The following AFF3 variants were observed in gnomAD, a reference collection of about 807,000 sequenced individuals.
The protein encoded by AFF3 is AF4/FMR2 family member 3.
In AFF3, 32 loss-of-function variants were observed where a neutral mutation model predicts 129.7. The observed-to-expected ratio is 0.25, with a 90% CI of 0.19 to 0.33. AFF3 has a LOEUF of 0.33. Ranked by LOEUF, AFF3 falls within the 10% of genes least tolerant of loss-of-function variation. AFF3 has a pLI of 1.00. For missense variants in AFF3, 1,373 were observed against 1,592.0 expected (o/e 0.86, Z 2.34); for synonymous variants, 644 against 635.4 (o/e 1.01, Z -0.20).
At chr2:99,976,931 T>C (rs1028563828) in intron 7 of AFF3, among the ~76,000 whole-genome samples, 1 of 152,062 alleles carries the variant, frequency 6.6e-6, no homozygotes, top group African/African-American at 2.4e-5. Flanking sequence ...TGAAAGCCAA[T>C]TTAGTATTGG....
chr2:99,566,295 G>A (rs950997751), intron 19 of AFF3, among the ~76,000 whole-genome samples: 1 of 151,554 alleles, frequency 6.6e-6, no homozygotes, highest in African/African-American at 2.4e-5. Context: ...CCTCACTTAA[G>A]AGTGAGAGTG....
chr2:99,733,380 A>C (rs1679994636), intron 10 of AFF3, among the ~76,000 whole-genome samples: 1 of 91,724 alleles, frequency 1.1e-5, no homozygotes, highest in African/African-American at 3.2e-5. Flanking sequence ...ACTCCGTCCA[A>C]AAAAAAAAAA....
intron 7 of AFF3, among the ~76,000 whole-genome samples, chr2:99,961,442 T>C (rs1677203216): frequency 1.3e-5 from 2 of 152,238 alleles, no homozygotes; most frequent in South Asian, 4.1e-4. Flanking sequence ...AATCACATTT[T>C]GCCTTGAGAC....
intron 11 of AFF3, among the ~76,000 whole-genome samples, chr2:99,712,144 T>C (rs1421239558): frequency 6.6e-6 from 1 of 152,230 alleles, no homozygotes; most frequent in African/African-American, 2.4e-5. Context: ...AATGCCTACT[T>C]GTTGAACCTA....
chr2:99,791,515 G>A (rs1381792371), intron 8 of AFF3, among the ~76,000 whole-genome samples: 2 of 152,138 alleles, frequency 1.3e-5, no homozygotes, highest in Admixed American at 6.5e-5. Flanking sequence ...TTTGATCTGC[G>A]GTTCATTTAA....
chr2:99,741,391 G>A (rs572142644), intron 10 of AFF3, among the ~76,000 whole-genome samples: 54 of 152,218 alleles, frequency 3.5e-4, no homozygotes, highest in Admixed American at 2.1e-3. Flanking sequence ...CAAAATCAAC[G>A]TACAAAAATC....
At chr2:99,832,747 T>C (rs1006241069) in intron 8 of AFF3, among the ~76,000 whole-genome samples, 2 of 152,242 alleles carry the variant, frequency 1.3e-5, no homozygotes, top group African/African-American at 4.8e-5. Context: ...TGTAGGTTTT[T>C]CTCAGTGAAT....
Position 99,889,998 on chromosome 2 carries a change from C to T in AFF3, c.874-52474G>A, listed in dbSNP as rs28409919. 1.8e-3 allele frequency among the ~76,000 whole-genome samples: 271 copies of T among 152,316 alleles called. 2 individuals carry two copies. The highest frequency in any genetic ancestry group is 6.3e-3 in the African/African-American group (260 of 41,562). ...TCTTTAATGGTAAATCTGCCCCTGC[C>T]TCATCCACCAGAAAACACAGGTGCC... On this transcript the variant is annotated intron_variant, in intron 7 of 24. Coordinates refer to ENST00000672756, the MANE Select transcript of AFF3 (RefSeq NM_001386135.1).
chr2:99,649,795 T>A, intron 12 of AFF3, 129 bp from the exon 13 acceptor site: 1 of 919,854 alleles, frequency 1.1e-6, no homozygotes, highest in Non-Finnish European at 1.8e-6. Context: ...TTTAAACGAC[T>A]AGCAATGAAG....
At chr2:99,712,095 G>A (rs1431959449) in intron 11 of AFF3, among the ~76,000 whole-genome samples, 4 of 152,168 alleles carry the variant, frequency 2.6e-5, no homozygotes, top group Admixed American at 6.5e-5. Flanking sequence ...TCTAACTGGA[G>A]TCACTGAAAA....
At chr2:99,972,705 T>C (rs560099601) in intron 7 of AFF3, among the ~76,000 whole-genome samples, 4 of 152,264 alleles carry the variant, frequency 2.6e-5, no homozygotes, top group Non-Finnish European at 5.9e-5. Flanking sequence ...TTGCAGACAG[T>C]GCTAAGTGAT....
At chr2:99,857,327 TCA>T (rs1469985781) in intron 7 of AFF3, among the ~76,000 whole-genome samples, 4 of 152,358 alleles carry the variant, frequency 2.6e-5, no homozygotes, top group Admixed American at 2.6e-4. Context: ...TGATCAATTG[TCA>T]CAGTTTGTTT....
chr2:99,955,168 A>T (rs1676524090), intron 7 of AFF3, among the ~76,000 whole-genome samples: 1 of 152,194 alleles, frequency 6.6e-6, no homozygotes, highest in Non-Finnish European at 1.5e-5. Context: ...GAAATGCTTC[A>T]ATTATCACCA....
At chr2:99,808,408 C>G (rs1686520280) in intron 8 of AFF3, among the ~76,000 whole-genome samples, 1 of 152,256 alleles carries the variant, frequency 6.6e-6, no homozygotes, top group Non-Finnish European at 1.5e-5. Flanking sequence ...CCAGCACACT[C>G]TATTGTTCTT....
chr2:99,727,283 T>G (rs1679437591), intron 10 of AFF3, among the ~76,000 whole-genome samples, 155 bp from the exon 11 acceptor site: 1 of 152,204 alleles, frequency 6.6e-6, no homozygotes, highest in African/African-American at 2.4e-5. Flanking sequence ...AGAACCGGAT[T>G]TGCAAAATAA....
chr2:99,664,300 A>G (rs962985826), intron 12 of AFF3, among the ~76,000 whole-genome samples: 6 of 152,210 alleles, frequency 3.9e-5, no homozygotes, highest in Non-Finnish European at 1.5e-5. Flanking sequence ...CTTCCATTTC[A>G]TTTATGTTTG....
intron 8 of AFF3, among the ~76,000 whole-genome samples, chr2:99,795,633 C>T (rs961326639): frequency 1.1e-4 from 16 of 152,068 alleles, no homozygotes; most frequent in Admixed American, 2.6e-4. Flanking sequence ...CTCCTCGGCT[C>T]GGCTTCTAGG....
intron 7 of AFF3, among the ~76,000 whole-genome samples, chr2:99,913,127 A>C (rs979240438): frequency 6.6e-6 from 1 of 152,196 alleles, no homozygotes; most frequent in Non-Finnish European, 1.5e-5. Context: ...GAAGTAATTT[A>C]ATGACAAAGA....
At chr2:99,665,952 A>T (rs1374763997) in intron 12 of AFF3, among the ~76,000 whole-genome samples, 4 of 152,182 alleles carry the variant, frequency 2.6e-5, no homozygotes, top group Non-Finnish European at 5.9e-5. Context: ...TACAGAGGTC[A>T]TTGGGGGCCC....
Sources: allele counts gnomAD v4.1 joint callset (sites outside exome capture counted in the v4.1 genomes callset), GRCh38; gene constraint gnomAD v4.1.1; transcripts MANE v1.5; gene names NCBI Gene and HGNC (gene_info 2026-07-23, HGNC 2026-07-21).